The following LIPI variants were observed in gnomAD, a reference collection of about 807,000 sequenced individuals.
LIPI encodes the protein lipase member I.
A neutral mutation model predicts 50.6 loss-of-function variants in LIPI; 59 were observed. That is an observed-to-expected ratio of 1.16 (90% CI 0.94 to 1.45). LIPI has a LOEUF of 1.45. Among genes scored for constraint, LIPI ranks in the 40% most tolerant of loss-of-function variants. The pLI, the probability that LIPI is intolerant of heterozygous loss-of-function variation, is 0.00. For synonymous variants in LIPI, 203 were observed against 178.2 expected (o/e 1.14, Z -1.11); for missense variants, 586 against 536.3 (o/e 1.09, Z -0.92).
intron 9 of LIPI, among the ~76,000 whole-genome samples, chr21:14,114,855 GAAAAATC>G (rs1355816914): frequency 6.6e-6 from 1 of 152,128 alleles, no homozygotes; most frequent in Non-Finnish European, 1.5e-5. Flanking sequence ...GTGACAAAGA[GAAAAATC>G]TTAAAACCAG....
At chr21:14,175,805 G>GT (rs556044867) in intron 4 of LIPI, among the ~76,000 whole-genome samples, 3 of 152,014 alleles carry the variant, frequency 2.0e-5, no homozygotes, top group East Asian at 1.9e-4. Context: ...TTTTTGTTCT[G>GT]TTTTTTCTCT....
intron 9 of LIPI, among the ~76,000 whole-genome samples, chr21:14,123,691 G>T (rs1455102211): frequency 6.6e-6 from 1 of 152,146 alleles, no homozygotes; most frequent in African/African-American, 2.4e-5. Flanking sequence ...AGCTAAGTGG[G>T]CCCAAGATGG....
At chr21:14,197,140 C>CA (rs911270573) in intron 1 of LIPI, among the ~76,000 whole-genome samples, 3 of 149,904 alleles carry the variant, frequency 2.0e-5, no homozygotes, top group Non-Finnish European at 3.0e-5. Context: ...AGCATAAGAA[C>CA]AAAAAAATAA....
chr21:14,188,911 G>A, intron 2 of LIPI, 123 bp downstream of exon 2: 1 of 855,612 alleles, frequency 1.2e-6, no homozygotes, highest in South Asian at 1.5e-5. Context: ...AATTGTTAAT[G>A]CTTATGGGGA....
chr21:14,198,321 T>C (rs1393160865), intron 1 of LIPI, among the ~76,000 whole-genome samples: 1 of 151,920 alleles, frequency 6.6e-6, no homozygotes, highest in African/African-American at 2.4e-5. Flanking sequence ...AGACACAGAG[T>C]GGCAAACTGG....
intron 7 of LIPI, among the ~76,000 whole-genome samples, chr21:14,162,911 GCTTT>G (rs1258471933): frequency 6.6e-6 from 1 of 151,358 alleles, no homozygotes; most frequent in Non-Finnish European, 1.5e-5. Context: ...GAATAATTTT[GCTTT>G]CTTTAATACT....
chr21:14,161,453 A>C (rs888830512), intron 7 of LIPI, among the ~76,000 whole-genome samples: 2 of 139,082 alleles, frequency 1.4e-5, no homozygotes, highest in Admixed American at 7.7e-5. Flanking sequence ...TTATATATAG[A>C]TATTATATAG....
intron 3 of LIPI, among the ~76,000 whole-genome samples, chr21:14,183,983 C>T (rs1031274693): frequency 7.2e-5 from 11 of 152,226 alleles, no homozygotes; most frequent in East Asian, 1.9e-4. Flanking sequence ...TGGGTATATA[C>T]GCAAAGGATT....
At chr21:14,149,160 G>A (rs1445016110) in intron 8 of LIPI, among the ~76,000 whole-genome samples, 1 of 152,116 alleles carries the variant, frequency 6.6e-6, no homozygotes, top group Admixed American at 6.6e-5. Flanking sequence ...TTGCTGAGGA[G>A]GCCTCAGGAA....
chr21:14,119,806 G>A (rs2016794622), intron 9 of LIPI, among the ~76,000 whole-genome samples: 1 of 152,178 alleles, frequency 6.6e-6, no homozygotes, highest in Admixed American at 6.5e-5. Context: ...ACTAGACTTT[G>A]TGGCTAAGGG....
chr21:14,146,720 A>ATATC (rs1241558780), intron 8 of LIPI, among the ~76,000 whole-genome samples: 1 of 149,460 alleles, frequency 6.7e-6, no homozygotes, highest in African/African-American at 2.5e-5. Context: ...TTTCTATAAT[A>ATATC]TATCTAAGTG....
In LIPI at chr21:14,125,846, C is replaced by T. The variant is rs561233315; in HGVS notation, c.1296-16766G>A. Among the ~76,000 whole-genome samples the T allele has an allele frequency of 1.3e-4, 20 of 152,186 alleles. No homozygotes were observed. In the South Asian group the frequency reaches 2.5e-3, roughly 19 times the overall value. On this transcript the variant is annotated intron_variant, in intron 9 of 9. Coordinates refer to ENST00000681601, the MANE Select transcript of LIPI (RefSeq NM_001302998.2). ...CTGGGTTAACAGATGTGAGCCACCG[C>T]GCCAGGCCAAGATGATAGTTTTAAA... is the stretch of plus-strand genomic sequence containing the variant.
intron 2 of LIPI, among the ~76,000 whole-genome samples, chr21:14,187,163 G>C (rs2019484395): frequency 6.6e-6 from 1 of 152,156 alleles, no homozygotes; most frequent in Non-Finnish European, 1.5e-5. Context: ...CAGGAGTGAT[G>C]CATCCAATCT....
intron 2 of LIPI, 107 bp downstream of exon 2, chr21:14,188,927 A>G (rs906459201): frequency 3.1e-6 from 3 of 963,572 alleles, no homozygotes; most frequent in African/African-American, 1.6e-5. Context: ...GGGGAAAAGT[A>G]TATAGTTTAT....
At chr21:14,207,011 G>T in intron 1 of LIPI, 1 of 919,476 alleles carries the variant, frequency 1.1e-6, no homozygotes, top group Non-Finnish European at 1.8e-6. Context: ...AGAATTCCAA[G>T]TACGAAACAA....
intron 2 of LIPI, among the ~76,000 whole-genome samples, chr21:14,188,423 C>T (rs2019530387): frequency 6.6e-6 from 1 of 151,896 alleles, no homozygotes; most frequent in Admixed American, 6.6e-5. Flanking sequence ...CAAAAATTAG[C>T]TGGGCATTGT....
At chr21:14,175,703 G>A (rs905682884) in intron 4 of LIPI, among the ~76,000 whole-genome samples, 3 of 151,998 alleles carry the variant, frequency 2.0e-5, no homozygotes, top group African/African-American at 7.2e-5. Context: ...AATAATTTTT[G>A]TGTTTTATAT....
At chr21:14,130,821 A>G (rs2017264497) in intron 9 of LIPI, among the ~76,000 whole-genome samples, 1 of 152,088 alleles carries the variant, frequency 6.6e-6, no homozygotes, top group African/African-American at 2.4e-5. Context: ...GCCACCAGGA[A>G]CACCAACATG....
At chr21:14,203,655 A>T (rs2020138302) in intron 1 of LIPI, among the ~76,000 whole-genome samples, 1 of 152,120 alleles carries the variant, frequency 6.6e-6, no homozygotes, top group South Asian at 2.1e-4. Context: ...GGACACAGGA[A>T]GGTGAACATC....
Sources: allele counts gnomAD v4.1 joint callset (sites outside exome capture counted in the v4.1 genomes callset), GRCh38; gene constraint gnomAD v4.1.1; transcripts MANE v1.5; gene names NCBI Gene and HGNC (gene_info 2026-07-23, HGNC 2026-07-21).